Variants in MGST2 observed in about 807,000 individuals in gnomAD.
MGST2 encodes glutathione peroxidase MGST2.
MGST2 carries 9 observed loss-of-function variants against 16.6 expected under a neutral mutation model. That is an observed-to-expected ratio of 0.54 (90% CI 0.33 to 0.95). The LOEUF (loss-of-function observed/expected upper bound fraction) is 0.95, where lower values mean the gene tolerates loss of function less well. MGST2 is among the 40% of genes least tolerant of loss of function. The probability of loss-of-function intolerance (pLI) is 0.03; values close to 1 mark genes in which losing one functional copy is unlikely to be tolerated. For missense variants in MGST2, 159 were observed against 175.1 expected (o/e 0.91, Z 0.52); for synonymous variants, 79 against 68.0 (o/e 1.16, Z -0.79).
At chr4:139,738,483 C>T (rs1480956469) in intron 5 of MGST2, among the ~76,000 whole-genome samples, 1 of 152,122 alleles carries the variant, frequency 6.6e-6, no homozygotes, top group Non-Finnish European at 1.5e-5. Context: ...GCGGAGGTTG[C>T]AGTGAGCCGA....
At chr4:139,722,780 C>G (rs1183284784) in intron 5 of MGST2, among the ~76,000 whole-genome samples, 1 of 152,170 alleles carries the variant, frequency 6.6e-6, no homozygotes, top group Non-Finnish European at 1.5e-5. Flanking sequence ...CAAGTTATAC[C>G]TAACAAAACT....
At chr4:139,682,526 G>T (rs1282240915) in intron 2 of MGST2, among the ~76,000 whole-genome samples, 1 of 152,168 alleles carries the variant, frequency 6.6e-6, no homozygotes, top group East Asian at 1.9e-4. Context: ...AGAGGTCATA[G>T]ACGGCTGGGT....
chr4:139,675,781 T>G (rs1346099260), intron 1 of MGST2, among the ~76,000 whole-genome samples: 3 of 152,242 alleles, frequency 2.0e-5, no homozygotes, highest in Admixed American at 1.3e-4. Flanking sequence ...AGGGGTAATT[T>G]GGTCCATATT....
chr4:139,717,427 A>G (rs1728023753), intron 5 of MGST2: 1 of 152,106 alleles, frequency 6.6e-6, no homozygotes, highest in African/African-American at 2.4e-5. Flanking sequence ...CCCCAGTGGC[A>G]TCACTCCCCA....
At chr4:139,723,140 A>G (rs1408119917) in intron 5 of MGST2, among the ~76,000 whole-genome samples, 2 of 152,378 alleles carry the variant, frequency 1.3e-5, no homozygotes, top group African/African-American at 4.8e-5. Context: ...CTTCTGAAGT[A>G]TAAACAAGAA....
intron 5 of MGST2, chr4:139,720,426 T>C (rs1728189538): frequency 2.0e-6 from 2 of 980,952 alleles, no homozygotes; most frequent in South Asian, 1.9e-5. Flanking sequence ...TTCCTTTATA[T>C]GAAAGGATCT....
At chr4:139,678,438 A>G (rs1731071493) in intron 1 of MGST2, 105 bp from the exon 2 acceptor site, 1 of 827,296 alleles carries the variant, frequency 1.2e-6, no homozygotes, top group Non-Finnish European at 2.1e-6. Context: ...GATTTTAGAC[A>G]TTGTAATAGG....
chr4:139,724,284 A>G (rs930699980), intron 5 of MGST2, among the ~76,000 whole-genome samples: 6 of 152,190 alleles, frequency 3.9e-5, no homozygotes, highest in Non-Finnish European at 7.3e-5. Context: ...CAGACTGTAA[A>G]CTACAGCTCA....
rs78781108 is a variant in MGST2, at chr4:139,731,764, A to G, written c.*49-8448A>G. On this transcript the variant is annotated intron_variant, in intron 5 of 5. Transcript: ENST00000616265. ...CTTAGGGAAGAGGAGGTCAAGTGGT[A>G]AAGACCTAATTCCACACAGCCCAGG... is the stretch of plus-strand genomic sequence containing the variant. 1.3e-4 allele frequency among the ~76,000 whole-genome samples: 20 copies of G among 152,338 alleles called. No individual in the cohort carries two copies. The East Asian group carries it at 3.9e-3, about 29-fold the overall frequency.
intron 3 of MGST2, among the ~76,000 whole-genome samples, chr4:139,697,774 C>T (rs544986329): frequency 7.9e-5 from 12 of 152,132 alleles, no homozygotes; most frequent in Non-Finnish European, 1.0e-4. Context: ...CTACAAGCAC[C>T]ATTTAGTTGC....
downstream of MGST2, among the ~76,000 whole-genome samples, chr4:139,708,506 G>A (rs947245246): frequency 3.0e-4 from 46 of 152,138 alleles, no homozygotes; most frequent in Admixed American, 8.5e-4. Flanking sequence ...TGATGCCTCC[G>A]GCTTTGTTCT....
chr4:139,737,427 C>A (rs117518627), intron 5 of MGST2, among the ~76,000 whole-genome samples: 1 of 151,126 alleles, frequency 6.6e-6, no homozygotes, highest in Admixed American at 6.6e-5. Context: ...CTAAATTGAG[C>A]GGACCACCCA....
chr4:139,714,785 G>T (rs1727877881), intron 5 of MGST2, among the ~76,000 whole-genome samples: 1 of 152,098 alleles, frequency 6.6e-6, no homozygotes, highest in Non-Finnish European at 1.5e-5. Flanking sequence ...GCCAGAGAAA[G>T]AACCACCCAT....
chr4:139,749,985 A>G, the MGST2 span, among the ~76,000 whole-genome samples: 1 of 151,836 alleles, frequency 6.6e-6, no homozygotes, highest in Admixed American at 6.6e-5. Context: ...CATTTCATTA[A>G]TATGGATGGA....
chr4:139,707,158 G>A (rs550999573), downstream of MGST2, among the ~76,000 whole-genome samples: 19 of 151,898 alleles, frequency 1.3e-4, no homozygotes, highest in Admixed American at 3.3e-4. Context: ...CCATTAACTC[G>A]TCATTTAGCA....
intron 5 of MGST2, chr4:139,725,735 G>C: frequency 3.7e-6 from 6 of 1,612,766 alleles, no homozygotes; most frequent in Non-Finnish European, 5.1e-6. Context: ...AATGAGAGAG[G>C]TTGCACTGGC....
At chr4:139,682,919 C>T (rs1731337403) in intron 2 of MGST2, among the ~76,000 whole-genome samples, 1 of 152,184 alleles carries the variant, frequency 6.6e-6, no homozygotes, top group South Asian at 2.1e-4. Context: ...GTCCTACTCA[C>T]AGGCCCCTGC....
At chr4:139,695,328 G>C in intron 3 of MGST2, 61 bp downstream of exon 3, 25 of 1,401,576 alleles carry the variant, frequency 1.8e-5, no homozygotes, top group Non-Finnish European at 2.5e-5. Flanking sequence ...AACGATTAAG[G>C]AGTAGATATA....
chr4:139,697,307 T>C (rs1726983582), intron 3 of MGST2, among the ~76,000 whole-genome samples: 1 of 152,176 alleles, frequency 6.6e-6, no homozygotes, highest in Admixed American at 6.5e-5. Context: ...TTTGTGACTT[T>C]TTTTTTCTCC....
Sources: allele counts gnomAD v4.1 joint callset (sites outside exome capture counted in the v4.1 genomes callset), GRCh38; gene constraint gnomAD v4.1.1; transcripts MANE v1.5; gene names NCBI Gene and HGNC (gene_info 2026-07-23, HGNC 2026-07-21).